The following BHMT variants were observed in gnomAD, a reference collection of about 807,000 sequenced individuals.
BHMT encodes the protein betaine--homocysteine S-methyltransferase.
A neutral mutation model predicts 49.5 loss-of-function variants in BHMT; 38 were observed. The observed-to-expected ratio is 0.77, with a 90% confidence interval of 0.59 to 1.01. The LOEUF is 1.01. Among genes scored for constraint, BHMT ranks in the 50% least tolerant of loss-of-function variants. The pLI is 0.00. For missense variants in BHMT, 426 were observed against 495.7 expected (o/e 0.86, Z 1.34); for synonymous variants, 166 against 176.3 (o/e 0.94, Z 0.46).
At chr5:79,118,838 C>T (rs1756423826) in intron 2 of BHMT, among the ~76,000 whole-genome samples, 1 of 152,180 alleles carries the variant, frequency 6.6e-6, no homozygotes, top group Admixed American at 6.5e-5. Context: ...GCCCCCTTGC[C>T]CCATGTCCTG....
chr5:79,127,233 C>T (rs1756566856), intron 6 of BHMT, among the ~76,000 whole-genome samples: 1 of 152,128 alleles, frequency 6.6e-6, no homozygotes, highest in Admixed American at 6.5e-5. Context: ...GATCTACTTC[C>T]TAGCTCACTT....
intron 5 of BHMT, among the ~76,000 whole-genome samples, chr5:79,124,894 C>G (rs531043286): frequency 1.4e-4 from 21 of 152,242 alleles, no homozygotes; most frequent in Admixed American, 6.5e-4. Context: ...ATCCTAGACA[C>G]AAAATTCCTT....
chr5:79,120,514 G>A lies in BHMT; in HGVS notation c.450G>A (p.Lys150=). 1.2e-6 allele frequency: 2 copies of A among 1,612,802 alleles called. No homozygotes were observed. The highest frequency in any genetic ancestry group is 2.2e-5 in the South Asian group (2 of 90,642). ...VFLQQLEVFM[K]KNVDFLIAEY... is the part of the protein sequence containing the mutation. The stretch of plus-strand genomic sequence containing the variant: ...TGCAACAGTTAGAGGTCTTTATGAA[G>A]AAGAACGTGGACTTCTTGATTGCAG... Residue 150 remains lysine (K), a synonymous_variant, in exon 4 of 8, where the codon AAG becomes AAA. Coordinates refer to ENST00000274353, the MANE Select transcript of BHMT (RefSeq NM_001713.3).
At chr5:79,118,409 G>C (rs1862227) in intron 2 of BHMT, among the ~76,000 whole-genome samples, 12,229 of 152,224 alleles carry the variant, frequency 0.08, 579 homozygotes, top group Admixed American at 0.16. Context: ...AGAGGTTGCA[G>C]TGAGCCAAGA....
chr5:79,122,297 T>G (rs1756484894), intron 5 of BHMT, among the ~76,000 whole-genome samples: 1 of 152,162 alleles, frequency 6.6e-6, no homozygotes, highest in Non-Finnish European at 1.5e-5. Context: ...TTCACATATA[T>G]TCCTAGTCTC....
chr5:79,126,988 T>C (rs1015695253), intron 6 of BHMT, among the ~76,000 whole-genome samples: 2 of 152,220 alleles, frequency 1.3e-5, no homozygotes, highest in East Asian at 3.8e-4. Flanking sequence ...ACAATCACTC[T>C]GGAGGAGCCA....
chr5:79,116,216 A>C (rs2112723237), intron 2 of BHMT: 1 of 178,240 alleles, frequency 5.6e-6, no homozygotes, highest in South Asian at 2.0e-4. Context: ...ATTGATGGAA[A>C]CCCCTGAAGA....
chr5:79,131,389 C>A lies in BHMT; in HGVS notation c.*273C>A. The A allele has an allele frequency of 3.5e-6, 1 of 286,144 alleles. No homozygotes were observed. Among genetic ancestry groups the A allele is most frequent in the Non-Finnish European group, 6.5e-6 (1 of 154,388 alleles). The allele number at this position is 286,144 out of a possible 1,614,324, so 17.7% of individuals were successfully genotyped here. On this transcript the variant is annotated 3_prime_UTR_variant, in exon 8 of 8. Transcript: ENST00000274353. ...AAGTATTATGGAAATCACTGCTGCA[C>A]AGGAAAAGTAATTCAGATGTTAATG...
chr5:79,120,045 T>C (rs1211748358), intron 3 of BHMT, among the ~76,000 whole-genome samples: 2 of 152,232 alleles, frequency 1.3e-5, no homozygotes, highest in Non-Finnish European at 2.9e-5. Context: ...TTAGGTACTC[T>C]TCTAAGTGCA....
At chr5:79,118,910 T>C (rs1203491194) in intron 2 of BHMT, among the ~76,000 whole-genome samples, 1 of 152,256 alleles carries the variant, frequency 6.6e-6, no homozygotes, top group African/African-American at 2.4e-5. Flanking sequence ...CAGTTATTTC[T>C]GGACAGACTG....
intron 4 of BHMT, among the ~76,000 whole-genome samples, chr5:79,120,848 C>T (rs962506958): frequency 6.6e-6 from 1 of 152,116 alleles, no homozygotes; most frequent in African/African-American, 2.4e-5. Flanking sequence ...CAATAGAATA[C>T]ATTTTCAAAT....
At chr5:79,113,512 C>T (rs1441872292) in intron 1 of BHMT, among the ~76,000 whole-genome samples, 6 of 152,174 alleles carry the variant, frequency 3.9e-5, no homozygotes, top group Admixed American at 3.9e-4. Flanking sequence ...AACATGTCTA[C>T]ACATTTGAGT....
Position 79,111,881 on chromosome 5 carries a change from C to G in BHMT, c.-5C>G, listed in dbSNP as rs376275044. On this transcript the variant is annotated 5_prime_UTR_variant, in exon 1 of 8. Transcript: ENST00000274353. Reference sequence around the variant, plus strand: ...GTGTCGACCACCTGTCTGGACACCACGAAGATGCCACCCGTTGGGGGCAAA... The same window carrying G: ...GTGTCGACCACCTGTCTGGACACCAGGAAGATGCCACCCGTTGGGGGCAAA... The G allele has an allele frequency of 3.1e-6, 5 of 1,612,140 alleles. No individual in the cohort carries two copies. The highest frequency in any genetic ancestry group is 1.1e-5 in the South Asian group (1 of 90,848).
At chr5:79,112,261 G>T (rs974816604) in intron 1 of BHMT, among the ~76,000 whole-genome samples, 1 of 152,206 alleles carries the variant, frequency 6.6e-6, no homozygotes, top group Non-Finnish European at 1.5e-5. Context: ...CCTGACGGCT[G>T]GGTGTCCCCA....
At chr5:79,120,264 T>C in intron 3 of BHMT, 86 bp from the exon 4 acceptor site, 1 of 1,269,344 alleles carries the variant, frequency 7.9e-7, no homozygotes, top group Non-Finnish European at 1.1e-6. Flanking sequence ...ATTGTAAATA[T>C]ACAACTAAGA....
rs763129287 is a variant in BHMT at position 79,131,007 on chromosome 5, A to G, written c.1112A>G (p.Asp371Gly). 1.9e-6 allele frequency: 3 copies of G among 1,614,050 alleles called. No homozygotes were observed. The highest frequency in any genetic ancestry group is 4.5e-5 in the East Asian group (2 of 44,844). Reference protein sequence around the residue: ...RPYNPSMSKPDGWGVTKGTAE... With the variant: ...RPYNPSMSKPGGWGVTKGTAE... Reference sequence around the variant, plus strand: ...TACAACCCTTCAATGTCAAAGCCAGATGGCTGGGGAGTGACCAAAGGAACA... The same window carrying G: ...TACAACCCTTCAATGTCAAAGCCAGGTGGCTGGGGAGTGACCAAAGGAACA... Residue 371 changes from aspartate (D) to glycine (G), a missense_variant, in exon 8 of 8, where the codon GAT (aspartate) becomes GGT (glycine). Physicochemically the swap from Asp to Gly is moderately conservative, Grantham distance 94 (BLOSUM62 -1). Around this residue, in one of 3 missense-constraint regions of BHMT, gnomAD observed 73 missense variants for 68.3 expected, o/e 1.07. Coordinates refer to ENST00000274353, the MANE Select transcript of BHMT (RefSeq NM_001713.3).
At chr5:79,112,045 C>T (rs1756309969) in intron 1 of BHMT, 127 bp downstream of exon 1, 2 of 1,141,256 alleles carry the variant, frequency 1.8e-6, no homozygotes, top group East Asian at 3.0e-5. Flanking sequence ...TCCCTCCCCT[C>T]CCTCAGCCTC....
chr5:79,128,107 C>A, intron 7 of BHMT, 124 bp downstream of exon 7: 1 of 1,191,042 alleles, frequency 8.4e-7, no homozygotes, highest in Non-Finnish European at 1.2e-6. Flanking sequence ...AAATTCTCTC[C>A]CAGAGATGTT....
rs1172874677 is a variant in BHMT at position 79,122,572 on chromosome 5, CA to C, written c.625+1216del. ...AGAGAAACTCTGGCAGCACAACATC[CA>C]AAAAAAAAGGGTAGCCAAAAATCTT... On this transcript the variant is annotated intron_variant, in intron 5 of 7. Coordinates refer to ENST00000274353, the MANE Select transcript of BHMT (RefSeq NM_001713.3). Among the ~76,000 whole-genome samples, 7 of 148,412 alleles carry C rather than the reference CA, an allele frequency of 4.7e-5. No homozygotes were observed. The South Asian group carries it at 6.4e-4, about 14-fold the overall frequency.
Sources: allele counts gnomAD v4.1 joint callset (sites outside exome capture counted in the v4.1 genomes callset), GRCh38; gene constraint gnomAD v4.1.1; regional missense constraint gnomAD v4.1.1; transcripts MANE v1.5; gene names NCBI Gene and HGNC (gene_info 2026-07-23, HGNC 2026-07-21).